The following CACNA2D1 variants were observed in gnomAD, a reference collection of about 807,000 sequenced individuals.
The protein encoded by CACNA2D1 is voltage-dependent calcium channel subunit alpha-2/delta-1.
A neutral mutation model predicts 171.5 loss-of-function variants in CACNA2D1; 53 were observed. That is an observed-to-expected ratio of 0.31 (90% CI 0.25 to 0.39). The LOEUF (loss-of-function observed/expected upper bound fraction) is 0.39. CACNA2D1 is among the 10% of genes least tolerant of loss of function. The probability of loss-of-function intolerance (pLI) is 1.00; values close to 1 mark genes in which losing one functional copy is unlikely to be tolerated. For missense variants in CACNA2D1, 903 were observed against 1,299.8 expected, an observed-to-expected ratio of 0.69 and a Z score of 4.69; for synonymous variants, 442 against 443.1, an observed-to-expected ratio of 1.00 and a Z score of 0.03.
intron 1 of CACNA2D1, among the ~76,000 whole-genome samples, chr7:82,390,881 C>A (rs1371010521): frequency 6.6e-6 from 1 of 152,040 alleles, no homozygotes; most frequent in African/African-American, 2.4e-5. Flanking sequence ...AGAAATTTTT[C>A]TTTCATGATA....
Position 82,089,075 on chromosome 7 carries a change from G to A in CACNA2D1, c.527-4175C>T, listed in dbSNP as rs894533898. 3.9e-5 allele frequency among the ~76,000 whole-genome samples: 6 copies of A among 152,206 alleles called. No individual in the cohort carries two copies. In the South Asian group the frequency reaches 6.2e-4, roughly 16 times the overall value. ...TCCTAACAGGTCAGGGACCCAGACC[G>A]GTCCATGGCCCAGGGGCTGGGGACC... On this transcript the variant is annotated intron_variant, in intron 6 of 38. Transcript: ENST00000356860.
chr7:82,217,610 T>C (rs1186441968), intron 3 of CACNA2D1, among the ~76,000 whole-genome samples: 2 of 145,760 alleles, frequency 1.4e-5, no homozygotes, highest in Non-Finnish European at 3.0e-5. Context: ...AAACTGAAGA[T>C]CTATCAACAT....
At chr7:82,041,084 C>A (rs2131231293) in intron 10 of CACNA2D1, among the ~76,000 whole-genome samples, 1 of 152,074 alleles carries the variant, frequency 6.6e-6, no homozygotes, top group South Asian at 2.1e-4. Context: ...GAATGGACAG[C>A]AGGAGCATCT....
At chr7:82,095,680 G>C (rs1811772566) in intron 6 of CACNA2D1, among the ~76,000 whole-genome samples, 1 of 152,166 alleles carries the variant, frequency 6.6e-6, no homozygotes, top group Admixed American at 6.5e-5. Context: ...GTTAATGAAT[G>C]AAAGAGTGTG....
intron 1 of CACNA2D1, among the ~76,000 whole-genome samples, chr7:82,368,102 C>A (rs1041733160): frequency 1.3e-5 from 2 of 152,156 alleles, no homozygotes; most frequent in African/African-American, 4.8e-5. Context: ...CAGCTTTGAT[C>A]CAGCAACATA....
At position 82,075,991 on chromosome 7, in the gene CACNA2D1, T is replaced by A. The variant is rs192525970; in HGVS notation, c.658+8778A>T. Among the ~76,000 whole-genome samples, 382 of 152,306 alleles carry A rather than the reference T, an allele frequency of 2.5e-3. 2 individuals are homozygous for A. Among genetic ancestry groups the A allele is most frequent in the African/African-American group, 8.4e-3 (349 of 41,594 alleles). On this transcript the variant is annotated intron_variant, in intron 7 of 38. Transcript: ENST00000356860. ...ATGTTATCCCCATTCAAATTACAAA[T>A]GGCTCTCATTTTCATATTACCAACC...
At chr7:82,061,851 T>C (rs1305672867) in intron 9 of CACNA2D1, among the ~76,000 whole-genome samples, 1 of 152,022 alleles carries the variant, frequency 6.6e-6, no homozygotes, top group East Asian at 1.9e-4. Flanking sequence ...CACTTTTGGG[T>C]GGGGAGCACA....
At chr7:82,014,570 TG>T in intron 12 of CACNA2D1, 91 bp from the exon 13 acceptor site, 1 of 749,332 alleles carries the variant, frequency 1.3e-6, no homozygotes, top group Non-Finnish European at 2.4e-6. Context: ...TTGAAAAGAG[TG>T]CTTTCCAGTT....
At chr7:82,425,088 G>A (rs1014906310) in intron 1 of CACNA2D1, among the ~76,000 whole-genome samples, 2 of 152,118 alleles carry the variant, frequency 1.3e-5, no homozygotes, top group Non-Finnish European at 2.9e-5. Flanking sequence ...AAGGTAACAC[G>A]ATTCTGCAGA....
At chr7:82,129,652 T>A (rs1454798534) in intron 5 of CACNA2D1, among the ~76,000 whole-genome samples, 1 of 152,224 alleles carries the variant, frequency 6.6e-6, no homozygotes, top group Non-Finnish European at 1.5e-5. Context: ...TTTTTCTGCC[T>A]GACATATCTG....
intron 3 of CACNA2D1, among the ~76,000 whole-genome samples, chr7:82,250,041 C>A (rs1189551491): frequency 6.6e-6 from 1 of 152,150 alleles, no homozygotes; most frequent in South Asian, 2.1e-4. Context: ...GAGGGTCTTC[C>A]CATGGTGAAG....
Position 82,217,663 on chromosome 7 carries a change from C to A in CACNA2D1, c.295-47054G>T, listed in dbSNP as rs1241594210. Among the ~76,000 whole-genome samples, 3 of 146,682 alleles carry A rather than the reference C, an allele frequency of 2.0e-5. No individual in the cohort carries two copies. In the Admixed American group the frequency reaches 2.0e-4, roughly 10 times the overall value. On this transcript the variant is annotated intron_variant, in intron 3 of 38. Transcript: ENST00000356860. ...ACACACACACACACACACACACACA[C>A]AATCTTTATCATCATAATTGGTATA...
chr7:82,203,867 C>T (rs1799736073), intron 3 of CACNA2D1, among the ~76,000 whole-genome samples: 1 of 152,174 alleles, frequency 6.6e-6, no homozygotes, highest in Admixed American at 6.5e-5. Flanking sequence ...CAGATGGATG[C>T]ATTCATGGAA....
intron 5 of CACNA2D1, among the ~76,000 whole-genome samples, chr7:82,128,062 T>G (rs965300304): frequency 2.0e-5 from 3 of 151,540 alleles, no homozygotes; most frequent in African/African-American, 7.3e-5. Flanking sequence ...TAGCTGGGAC[T>G]ACAGGTGCAC....
intron 1 of CACNA2D1, among the ~76,000 whole-genome samples, chr7:82,426,106 G>A (rs1370434089): frequency 1.3e-5 from 2 of 151,024 alleles, no homozygotes; most frequent in African/African-American, 2.4e-5. Flanking sequence ...ACTCCAGCCT[G>A]GGTGACAGAG....
chr7:82,358,835 T>C (rs1820758636), intron 1 of CACNA2D1, among the ~76,000 whole-genome samples: 1 of 152,196 alleles, frequency 6.6e-6, no homozygotes, highest in African/African-American at 2.4e-5. Context: ...GAGATCTTCT[T>C]TTCCACTATC....
chr7:82,244,352 G>C (rs1310168914), intron 3 of CACNA2D1, among the ~76,000 whole-genome samples: 3 of 151,970 alleles, frequency 2.0e-5, no homozygotes, highest in Admixed American at 2.0e-4. Context: ...AATCCCATAA[G>C]ACAAAACGAA....
At chr7:82,400,017 T>G (rs958677386) in intron 1 of CACNA2D1, among the ~76,000 whole-genome samples, 2 of 151,928 alleles carry the variant, frequency 1.3e-5, no homozygotes, top group Non-Finnish European at 2.9e-5. Context: ...GTTGTAGATA[T>G]GCGGCGTTAT....
rs888739617 is a variant in CACNA2D1 at position 82,038,001 on chromosome 7, G to C, written c.1038+76C>G. On this transcript the variant is annotated intron_variant, in intron 11 of 38. Transcript: ENST00000356860. ...CAGCACTATCTAATCCCAGAGAGTAGTAACTATCAGAATATTGAAATTCAG... is the reference window on the plus strand; with the variant it reads ...CAGCACTATCTAATCCCAGAGAGTACTAACTATCAGAATATTGAAATTCAG... 2.9e-6 allele frequency: 4 copies of C among 1,391,908 alleles called. No homozygotes were observed. The African/African-American group carries it at 4.3e-5, about 15-fold the overall frequency. The allele number at this position is 1,391,908 out of a possible 1,614,324, so 86.2% of individuals were successfully genotyped here.
Sources: allele counts gnomAD v4.1 joint callset (sites outside exome capture counted in the v4.1 genomes callset), GRCh38; gene constraint gnomAD v4.1.1; transcripts MANE v1.5; gene names NCBI Gene and HGNC (gene_info 2026-07-23, HGNC 2026-07-21).